Variants in ROBO1 observed in about 807,000 individuals in gnomAD.
ROBO1 encodes the protein roundabout guidance receptor 1, also known as roundabout homolog 1.
ROBO1 carries 149 observed loss-of-function variants against 195.9 expected under a neutral mutation model. The observed-to-expected ratio is 0.76, with a 90% CI of 0.67 to 0.87. The LOEUF (loss-of-function observed/expected upper bound fraction) is 0.87. ROBO1 is among the 40% of genes least tolerant of loss of function. The pLI is 0.00. For missense variants in ROBO1, 1,933 were observed against 2,068.3 expected (o/e 0.93, Z 1.27); for synonymous variants, 816 against 733.2 (o/e 1.11, Z -1.82).
chr3:78,840,209 A>G (rs976064927), intron 4 of ROBO1, among the ~76,000 whole-genome samples: 1 of 152,174 alleles, frequency 6.6e-6, no homozygotes, highest in Non-Finnish European at 1.5e-5. Flanking sequence ...TGATCATCCA[A>G]AGGAAATAGA....
chr3:78,754,809 T>G (rs1865861), intron 4 of ROBO1, among the ~76,000 whole-genome samples: 1 of 151,912 alleles, frequency 6.6e-6, no homozygotes, highest in Non-Finnish European at 1.5e-5. Flanking sequence ...AGAAACATAA[T>G]TTAAATTGGA....
At chr3:79,561,668 T>TTA (rs1942925495) in intron 2 of ROBO1, among the ~76,000 whole-genome samples, 1 of 151,984 alleles carries the variant, frequency 6.6e-6, no homozygotes, top group Non-Finnish European at 1.5e-5. Context: ...GGAGAAGGAG[T>TTA]TAAAGTTCAA....
intron 2 of ROBO1, among the ~76,000 whole-genome samples, chr3:79,333,522 A>G (rs1482044046): frequency 1.3e-5 from 2 of 152,126 alleles, no homozygotes; most frequent in African/African-American, 4.8e-5. Context: ...ATGCCTACCC[A>G]TCACACAGTC....
intron 3 of ROBO1, among the ~76,000 whole-genome samples, chr3:79,115,902 C>T (rs748934689): frequency 9.9e-5 from 15 of 152,076 alleles, no homozygotes; most frequent in African/African-American, 3.6e-4. Flanking sequence ...AAATTATTTT[C>T]CAATGATAAA....
intron 1 of ROBO1, among the ~76,000 whole-genome samples, chr3:79,717,350 C>G (rs1702531584): frequency 6.6e-6 from 1 of 151,918 alleles, no homozygotes; most frequent in Non-Finnish European, 1.5e-5. Context: ...ACTGAGAGAA[C>G]ATACACTTTT....
intron 2 of ROBO1, among the ~76,000 whole-genome samples, chr3:79,379,113 CACTACACAT>C (rs1559857713): frequency 7.7e-6 from 1 of 130,390 alleles, no homozygotes; most frequent in Non-Finnish European, 1.9e-5. Flanking sequence ...TACACATGTA[CACTACACAT>C]GTACCTCTAA....
At chr3:79,526,706 TG>T (rs1301337472) in intron 2 of ROBO1, 1 of 152,200 alleles carries the variant, frequency 6.6e-6, no homozygotes, top group Non-Finnish European at 1.5e-5. Context: ...ACTGAATTTT[TG>T]TCTAAGTATT....
chr3:79,724,148 T>C (rs1196269080), intron 1 of ROBO1, among the ~76,000 whole-genome samples: 1 of 152,234 alleles, frequency 6.6e-6, no homozygotes, highest in African/African-American at 2.4e-5. Flanking sequence ...TCTAGACTCC[T>C]ATGCCTGTTA....
intron 3 of ROBO1, among the ~76,000 whole-genome samples, chr3:79,038,714 T>TA (rs202213711): frequency 0.038 from 5,052 of 133,986 alleles, 173 homozygotes; most frequent in African/African-American, 0.093. Flanking sequence ...AAGTCCAATT[T>TA]AAAAAAAAAA....
At chr3:79,645,317 C>T (rs753834563) in intron 1 of ROBO1, among the ~76,000 whole-genome samples, 8 of 151,722 alleles carry the variant, frequency 5.3e-5, no homozygotes, top group East Asian at 2.0e-4. Flanking sequence ...ACTTGGGCAA[C>T]GTCACAAGGC....
At position 79,732,479 on chromosome 3, in the gene ROBO1, T is replaced by C. The variant is rs1054501844; in HGVS notation, c.-51+35273A>G. Among the ~76,000 whole-genome samples, 5 of 152,318 alleles carry C rather than the reference T, an allele frequency of 3.3e-5. No homozygotes were observed. The East Asian group carries it at 9.6e-4, about 29-fold the overall frequency. On this transcript the variant is annotated intron_variant, in intron 1 of 30. Coordinates refer to ENST00000464233, the MANE Select transcript of ROBO1 (RefSeq NM_002941.4). ...AGGATTTTGAATAAAATTTCTTCCA[T>C]GACTATATATACCAAATCTTGCTGT...
At chr3:78,843,482 C>A (rs1038817127) in intron 4 of ROBO1, among the ~76,000 whole-genome samples, 2 of 152,052 alleles carry the variant, frequency 1.3e-5, no homozygotes, top group African/African-American at 4.8e-5. Flanking sequence ...CAAAAGCCCT[C>A]TGATGTTCCA....
intron 2 of ROBO1, among the ~76,000 whole-genome samples, chr3:79,201,980 C>T (rs1349545186): frequency 6.6e-6 from 1 of 151,174 alleles, no homozygotes; most frequent in Non-Finnish European, 1.5e-5. Flanking sequence ...TAGTAGTATT[C>T]CATCCCTCAA....
chr3:78,801,898 T>C (rs2084383284), intron 4 of ROBO1, among the ~76,000 whole-genome samples: 1 of 152,158 alleles, frequency 6.6e-6, no homozygotes, highest in African/African-American at 2.4e-5. Context: ...TGTGGATTTG[T>C]GACAATTTTG....
At chr3:78,915,731 A>G (rs1225617661) in intron 4 of ROBO1, among the ~76,000 whole-genome samples, 2 of 152,042 alleles carry the variant, frequency 1.3e-5, no homozygotes, top group African/African-American at 2.4e-5. Flanking sequence ...GCTGGACTGC[A>G]GTGGGATGAT....
At chr3:79,612,038 T>G (rs931205749) in intron 1 of ROBO1, among the ~76,000 whole-genome samples, 2 of 152,074 alleles carry the variant, frequency 1.3e-5, no homozygotes, top group Non-Finnish European at 2.9e-5. Flanking sequence ...TTTTTATTAT[T>G]TTTTTATACT....
chr3:79,139,891 G>T (rs13325822), intron 2 of ROBO1, among the ~76,000 whole-genome samples: 108,704 of 151,494 alleles, frequency 0.72, 39,047 homozygotes, highest in East Asian at 0.79. Flanking sequence ...ATTAAATGGT[G>T]CTTGAAGTTA....
intron 2 of ROBO1, among the ~76,000 whole-genome samples, chr3:79,536,616 A>C (rs1023120946): frequency 2.6e-5 from 4 of 152,158 alleles, no homozygotes; most frequent in African/African-American, 9.6e-5. Flanking sequence ...CTGCTAACTA[A>C]TCAAGTACAG....
intron 4 of ROBO1, among the ~76,000 whole-genome samples, chr3:78,758,598 A>G (rs1330694843): frequency 6.6e-6 from 1 of 152,062 alleles, no homozygotes; most frequent in African/African-American, 2.4e-5. Context: ...TGAACATGGC[A>G]AACAATTCAA....
Sources: gnomAD v4.1 joint callset for allele counts (sites outside exome capture counted in the v4.1 genomes callset) on GRCh38, gnomAD v4.1.1 for gene constraint, MANE v1.5 for transcripts, NCBI Gene and HGNC (gene_info 2026-07-23, HGNC 2026-07-21) for gene names.